The following LRFN2 variants were observed in gnomAD, a reference collection of about 807,000 sequenced individuals.
LRFN2 encodes the protein leucine-rich repeat and fibronectin type-III domain-containing protein 2.
A neutral mutation model predicts 37.3 loss-of-function variants in LRFN2; 18 were observed. That is an observed-to-expected ratio of 0.48 (90% CI 0.33 to 0.72). The LOEUF (loss-of-function observed/expected upper bound fraction) is 0.72, where lower values mean the gene tolerates loss of function less well. Among genes scored for constraint, LRFN2 ranks in the 30% least tolerant of loss-of-function variants. The probability of loss-of-function intolerance (pLI) is 0.02; values close to 1 mark genes in which losing one functional copy is unlikely to be tolerated. For missense variants in LRFN2, 1,006 were observed against 1,060.7 expected (o/e 0.95, Z 0.72); for synonymous variants, 556 against 466.6 (o/e 1.19, Z -2.47).
intron 1 of LRFN2, among the ~76,000 whole-genome samples, chr6:40,558,950 T>A: frequency 1.3e-5 from 2 of 152,154 alleles, no homozygotes; most frequent in East Asian, 3.9e-4. Flanking sequence ...CACTCACGGA[T>A]GTGTGAGCAC....
intron 2 of LRFN2, among the ~76,000 whole-genome samples, chr6:40,422,267 C>T (rs9369202): frequency 0.1 from 15,591 of 152,170 alleles, 1,625 homozygotes; most frequent in African/African-American, 0.26. Flanking sequence ...TGGCTTCTTC[C>T]CTCACTAGCA....
intron 2 of LRFN2, among the ~76,000 whole-genome samples, chr6:40,396,937 C>A (rs1228544645): frequency 6.6e-6 from 1 of 152,168 alleles, no homozygotes; most frequent in African/African-American, 2.4e-5. Context: ...TCTCCTACAA[C>A]CCTCTGAGGA....
chr6:40,416,741 G>A (rs75107942), intron 2 of LRFN2, among the ~76,000 whole-genome samples: 3 of 151,956 alleles, frequency 2.0e-5, no homozygotes, highest in African/African-American at 4.8e-5. Flanking sequence ...TCCTTCTCCT[G>A]CTAGGGCATC....
intron 2 of LRFN2, among the ~76,000 whole-genome samples, chr6:40,412,440 T>C (rs542249338): frequency 6.6e-6 from 1 of 152,260 alleles, no homozygotes. Context: ...CGGGGTCCCA[T>C]AGGTAACAGA....
chr6:40,504,965 T>G (rs1765493708), intron 1 of LRFN2, among the ~76,000 whole-genome samples: 1 of 152,132 alleles, frequency 6.6e-6, no homozygotes, highest in Non-Finnish European at 1.5e-5. Context: ...AACCCCTCAC[T>G]CTGTCAAAGC....
chr6:40,422,142 T>C (rs1473357386), intron 2 of LRFN2, among the ~76,000 whole-genome samples: 1 of 152,200 alleles, frequency 6.6e-6, no homozygotes, highest in Non-Finnish European at 1.5e-5. Context: ...TCCACATATG[T>C]TATCTCTTTG....
At position 40,392,567 on chromosome 6, in the gene LRFN2, G is replaced by A. The variant is rs993673810; in HGVS notation, c.1746C>T (p.Ala582=). 1.9e-6 allele frequency: 3 copies of A among 1,603,930 alleles called. No homozygotes were observed. The African/African-American group carries it at 4.0e-5, about 21-fold the overall frequency. The change falls in exon 3 of 3, where the codon GCC becomes GCT. Residue 582 remains alanine, a synonymous_variant. Transcript: ENST00000338305. This position sits in a 1 kb window ranked among gnomAD's most constrained non-coding sequence, Gnocchi z 4.7. Reference sequence around the variant, plus strand: ...GTGCGCTGCTTGGAGGCGGTGGCTGGGCGCCGTTGGTCTGCGAGTACACAT... The same window carrying A: ...GTGCGCTGCTTGGAGGCGGTGGCTGAGCGCCGTTGGTCTGCGAGTACACAT... The part of the protein sequence containing the change: ...VSNVYSQTNG[A]QPPPPSSAPA...
In LRFN2 at chr6:40,392,401, C is replaced by T. The variant is rs1046640110; in HGVS notation, c.1912G>A (p.Ala638Thr). The change falls in exon 3 of 3, where the codon GCC (alanine) becomes ACC (threonine). Residue 638 changes from alanine to threonine, a missense_variant. Coordinates refer to ENST00000338305, the MANE Select transcript of LRFN2 (RefSeq NM_020737.3). The surrounding 1 kb of genome is among the most constrained non-coding windows in gnomAD (Gnocchi z 4.7). ...GCGGAGGGTGGGATCCTCCAGGGGG[C>T]CCGTCCCAGCCCCGCAGCCTCCCCA... Reference protein sequence around the residue: ...GSGEAAGLGRAPWRIPPSAPR... With the variant: ...GSGEAAGLGRTPWRIPPSAPR... 4 of 1,573,176 alleles carry T rather than the reference C, an allele frequency of 2.5e-6. No individual in the cohort carries two copies. In the African/African-American group the frequency reaches 4.1e-5, roughly 16 times the overall value.
rs1419606618 is a variant in LRFN2, at chr6:40,391,615, A to G, written c.*328T>C. The G allele has an allele frequency of 4.2e-6, 1 of 237,670 alleles. No homozygotes were observed. Among genetic ancestry groups the G allele is most frequent in the African/African-American group, 2.2e-5 (1 of 44,656 alleles). The allele number at this position is 237,670 out of a possible 1,614,324, so 14.7% of individuals were successfully genotyped here. On this transcript the variant is annotated 3_prime_UTR_variant, in exon 3 of 3. Coordinates refer to ENST00000338305, the MANE Select transcript of LRFN2 (RefSeq NM_020737.3). ...AAATGGAAAAAAAATAAATTAAGAA[A>G]TAAAAACAACACTAGACCCATAAGC...
intron 2 of LRFN2, among the ~76,000 whole-genome samples, chr6:40,425,823 T>C (rs1364872524): frequency 2.6e-5 from 4 of 152,242 alleles, no homozygotes; most frequent in Non-Finnish European, 5.9e-5. Flanking sequence ...ATGGAGCTTA[T>C]TAGCTGAAAA....
chr6:40,523,225 T>C (rs901966747), intron 1 of LRFN2, among the ~76,000 whole-genome samples: 2 of 152,138 alleles, frequency 1.3e-5, no homozygotes, highest in African/African-American at 4.8e-5. Flanking sequence ...CAATAAATGC[T>C]CAATGCATGG....
At chr6:40,446,136 C>T (rs2113838091) in intron 1 of LRFN2, among the ~76,000 whole-genome samples, 1 of 152,278 alleles carries the variant, frequency 6.6e-6, no homozygotes, top group East Asian at 1.9e-4. Context: ...GGAAATTCTG[C>T]TGTTGTCGGT....
intron 1 of LRFN2, among the ~76,000 whole-genome samples, chr6:40,553,700 G>A (rs933402535): frequency 4.6e-5 from 7 of 152,270 alleles, no homozygotes; most frequent in East Asian, 1.9e-4. Context: ...TAATGAATTC[G>A]CCTCAGATTT....
Position 40,504,934 on chromosome 6 carries a change from C to A in LRFN2, c.-18-71803G>T, listed in dbSNP as rs1765492755. Among the ~76,000 whole-genome samples, 3 of 152,326 alleles carry A rather than the reference C, an allele frequency of 2.0e-5. No individual in the cohort carries two copies. The East Asian group carries it at 5.8e-4, about 29-fold the overall frequency. ...CTAAAGCTCCTGTCCCTAAAAACTGCCCTCCTTTGCTGGATGGGCAAACCC... is the reference window on the plus strand; with the variant it reads ...CTAAAGCTCCTGTCCCTAAAAACTGACCTCCTTTGCTGGATGGGCAAACCC... On this transcript the variant is annotated intron_variant, in intron 1 of 2. Transcript: ENST00000338305.
At chr6:40,422,037 ATCTT>A (rs1394274483) in intron 2 of LRFN2, among the ~76,000 whole-genome samples, 1 of 152,166 alleles carries the variant, frequency 6.6e-6, no homozygotes, top group Non-Finnish European at 1.5e-5. Flanking sequence ...CCCTGATTCC[ATCTT>A]TCTTATAGTA....
intron 1 of LRFN2, among the ~76,000 whole-genome samples, chr6:40,451,635 C>T (rs557713102): frequency 2.0e-5 from 3 of 152,162 alleles, no homozygotes; most frequent in South Asian, 2.1e-4. Context: ...TACTAGAATT[C>T]GGTGGTGCCG....
chr6:40,555,732 C>T (rs1310888205), intron 1 of LRFN2, among the ~76,000 whole-genome samples: 2 of 152,122 alleles, frequency 1.3e-5, no homozygotes, highest in Non-Finnish European at 2.9e-5. Flanking sequence ...TGCCCCCACC[C>T]CCATGGCAGG....
intron 2 of LRFN2, among the ~76,000 whole-genome samples, chr6:40,401,078 C>T (rs1762729193): frequency 6.8e-6 from 1 of 146,868 alleles, no homozygotes; most frequent in Non-Finnish European, 1.5e-5. Flanking sequence ...GGCTGAGGCT[C>T]CTCTTTTCTA....
At chr6:40,555,966 C>T (rs1561906415) in intron 1 of LRFN2, among the ~76,000 whole-genome samples, 1 of 149,934 alleles carries the variant, frequency 6.7e-6, no homozygotes, top group Non-Finnish European at 1.5e-5. Flanking sequence ...TCCTGAAGAA[C>T]AAGAGGCGTA....
Sources: allele counts gnomAD v4.1 joint callset (sites outside exome capture counted in the v4.1 genomes callset), GRCh38; gene constraint gnomAD v4.1.1; non-coding constraint Gnocchi (gnomAD v3.1); transcripts MANE v1.5; gene names NCBI Gene and HGNC (gene_info 2026-07-23, HGNC 2026-07-21).